Variants in DSCAM observed in about 807,000 individuals in gnomAD.
The protein encoded by DSCAM is DS cell adhesion molecule, also known as cell adhesion molecule DSCAM.
A neutral mutation model predicts 217.7 loss-of-function variants in DSCAM; 47 were observed. The ratio of observed to expected loss-of-function variants is 0.22; its 90% confidence interval spans 0.17 to 0.28. DSCAM has a LOEUF of 0.28. Among genes scored for constraint, DSCAM ranks in the 10% least tolerant of loss-of-function variants. DSCAM has a pLI of 1.00. For synonymous variants in DSCAM, 1,056 were observed against 1,015.3 expected, an observed-to-expected ratio of 1.04 and a Z score of -0.76; for missense variants, 2,080 against 2,618.3, an observed-to-expected ratio of 0.79 and a Z score of 4.49.
intron 1 of DSCAM, among the ~76,000 whole-genome samples, chr21:40,724,587 C>A (rs1301030272): frequency 6.6e-6 from 1 of 152,012 alleles, no homozygotes; most frequent in African/African-American, 2.4e-5. Flanking sequence ...GTAAGATTAT[C>A]AAAGGGAAGG....
chr21:40,066,744 C>G (rs2089212645), intron 27 of DSCAM, among the ~76,000 whole-genome samples: 4 of 152,312 alleles, frequency 2.6e-5, no homozygotes, highest in Admixed American at 2.6e-4. Context: ...TATGTGGCCT[C>G]CAAGATTGGA....
chr21:40,572,114 GTGTT>G (rs776261697), intron 3 of DSCAM, among the ~76,000 whole-genome samples: 5 of 136,646 alleles, frequency 3.7e-5, no homozygotes, highest in East Asian at 4.4e-4. Context: ...GTGTGTGTGT[GTGTT>G]TGTGTGTACA....
rs1217966503 is a variant in DSCAM at position 40,620,281 on chromosome 21, AAG to A, written c.508+72527_508+72528del. Among the ~76,000 whole-genome samples, 190 of 127,698 alleles carry A rather than the reference AAG, an allele frequency of 1.5e-3. 7 individuals are homozygous for A. The highest frequency in any genetic ancestry group is 4.1e-3 in the Admixed American group (53 of 12,966). 83.8% of individuals were successfully genotyped at this position (127,698 alleles called of 152,430 possible). ...AAAAAGAAAAAGAAAGAAAGAGAGAAAGAGAGAGAAAAAAGAAAAAGAAAGAG... is the reference window on the plus strand; with the variant it reads ...AAAAAGAAAAAGAAAGAAAGAGAGAAAGAGAGAAAAAAGAAAAAGAAAGAG... On this transcript the variant is annotated intron_variant, in intron 3 of 32. Transcript: ENST00000400454.
chr21:40,595,961 G>A (rs1349484078), intron 3 of DSCAM, among the ~76,000 whole-genome samples: 1 of 152,188 alleles, frequency 6.6e-6, no homozygotes, highest in African/African-American at 2.4e-5. Flanking sequence ...TCTGTGCTCT[G>A]TGTGAGTGCA....
intron 1 of DSCAM, among the ~76,000 whole-genome samples, chr21:40,732,989 T>A (rs1365086959): frequency 6.6e-6 from 1 of 152,238 alleles, no homozygotes; most frequent in Admixed American, 6.5e-5. Context: ...AAGATTAATA[T>A]GGGAAAATAC....
At chr21:40,552,306 T>G (rs1378230570) in intron 3 of DSCAM, among the ~76,000 whole-genome samples, 1 of 120,502 alleles carries the variant, frequency 8.3e-6, no homozygotes, top group African/African-American at 2.8e-5. Flanking sequence ...AGAGTGACAC[T>G]TCGTCTCAAA....
chr21:40,744,897 T>C (rs1261410342), intron 1 of DSCAM, among the ~76,000 whole-genome samples: 1 of 151,998 alleles, frequency 6.6e-6, no homozygotes, highest in Non-Finnish European at 1.5e-5. Context: ...CACAAGAAAA[T>C]GTGGATGGAA....
At chr21:40,457,015 AAAG>A (rs2075769089) in intron 3 of DSCAM, among the ~76,000 whole-genome samples, 1 of 152,238 alleles carries the variant, frequency 6.6e-6, no homozygotes, top group African/African-American at 2.4e-5. Flanking sequence ...TCCATAGGAC[AAAG>A]AAGATGAGAG....
At chr21:40,237,459 G>T (rs1476216673) in intron 11 of DSCAM, among the ~76,000 whole-genome samples, 3 of 152,176 alleles carry the variant, frequency 2.0e-5, no homozygotes, top group African/African-American at 7.2e-5. Flanking sequence ...GTGAGAACAC[G>T]TGGTGTTTGG....
At chr21:40,178,549 C>T (rs2090758451) in intron 15 of DSCAM, among the ~76,000 whole-genome samples, 2 of 152,198 alleles carry the variant, frequency 1.3e-5, no homozygotes. Flanking sequence ...ACTGCTTCCT[C>T]CCACACTGGA....
intron 9 of DSCAM, among the ~76,000 whole-genome samples, chr21:40,296,771 C>T (rs2073958737): frequency 7.5e-6 from 1 of 132,764 alleles, no homozygotes; most frequent in African/African-American, 3.0e-5. Flanking sequence ...GCGGAGGTTG[C>T]AGTGAGCTGA....
At chr21:40,571,665 G>A (rs2076807840) in intron 3 of DSCAM, among the ~76,000 whole-genome samples, 1 of 152,214 alleles carries the variant, frequency 6.6e-6, no homozygotes, top group African/African-American at 2.4e-5. Flanking sequence ...ATATACATGT[G>A]TGTTTGTTTG....
At chr21:40,837,421 G>C (rs1308879916) in intron 1 of DSCAM, among the ~76,000 whole-genome samples, 1 of 151,996 alleles carries the variant, frequency 6.6e-6, no homozygotes, top group African/African-American at 2.4e-5. Context: ...CAAATACCTA[G>C]ATCACCTCGA....
At chr21:40,586,627 A>C (rs2076949091) in intron 3 of DSCAM, among the ~76,000 whole-genome samples, 1 of 152,204 alleles carries the variant, frequency 6.6e-6, no homozygotes. Context: ...CTTCCAAGTG[A>C]TGCTGACAGT....
intron 1 of DSCAM, among the ~76,000 whole-genome samples, chr21:40,714,249 A>G (rs2410288): frequency 0.39 from 58,909 of 152,006 alleles, 13,710 homozygotes; most frequent in South Asian, 0.56. Context: ...AGTAATGCCT[A>G]GTGGAGCCAC....
chr21:40,517,345 C>CAT (rs760383373), intron 3 of DSCAM, among the ~76,000 whole-genome samples: 77 of 149,386 alleles, frequency 5.2e-4, no homozygotes, highest in Non-Finnish European at 9.0e-4. Flanking sequence ...TCTGTATATA[C>CAT]ATATATATAT....
intron 3 of DSCAM, among the ~76,000 whole-genome samples, chr21:40,582,835 C>T (rs2076916125): frequency 6.6e-6 from 1 of 152,126 alleles, no homozygotes; most frequent in Admixed American, 6.5e-5. Context: ...CAGAACCCAT[C>T]CCCTGGGCCA....
chr21:40,124,118 C>G (rs867879608), intron 20 of DSCAM, 77 bp downstream of exon 20: 2 of 1,584,788 alleles, frequency 1.3e-6, no homozygotes, highest in African/African-American at 2.7e-5. Flanking sequence ...AACAAAGGAA[C>G]GAAACTGTCC....
intron 5 of DSCAM, among the ~76,000 whole-genome samples, chr21:40,348,733 C>A (rs533607647): frequency 2.6e-5 from 4 of 152,180 alleles, no homozygotes; most frequent in Admixed American, 6.5e-5. Context: ...TTGGGAACAT[C>A]CTCTTCGCTA....
Sources: allele counts gnomAD v4.1 joint callset (sites outside exome capture counted in the v4.1 genomes callset), GRCh38; gene constraint gnomAD v4.1.1; transcripts MANE v1.5; gene names NCBI Gene and HGNC (gene_info 2026-07-23, HGNC 2026-07-21).